Variants in DOCK8 observed in about 807,000 individuals in gnomAD.
The protein encoded by DOCK8 is dedicator of cytokinesis 8, also known as dedicator of cytokinesis protein 8.
DOCK8 carries 141 observed loss-of-function variants against 245.6 expected under a neutral mutation model. The observed-to-expected ratio is 0.57, with a 90% CI of 0.50 to 0.66. The LOEUF (loss-of-function observed/expected upper bound fraction) is 0.66, where lower values mean the gene tolerates loss of function less well. Among genes scored for constraint, DOCK8 ranks in the 30% least tolerant of loss-of-function variants. DOCK8 has a pLI of 0.00. For missense variants in DOCK8, 2,965 were observed against 2,603.4 expected, an observed-to-expected ratio of 1.14 and a Z score of -3.02; for synonymous variants, 1,168 against 970.2, an observed-to-expected ratio of 1.20 and a Z score of -3.79.
At chr9:221,813 C>A (rs1563817946) in intron 1 of DOCK8, among the ~76,000 whole-genome samples, 3 of 150,876 alleles carry the variant, frequency 2.0e-5, no homozygotes, top group South Asian at 4.2e-4. Flanking sequence ...CAGAGTGAGA[C>A]TCTGTCTCAT....
intron 2 of DOCK8, among the ~76,000 whole-genome samples, chr9:283,958 C>T (rs1010763384): frequency 6.6e-6 from 1 of 152,120 alleles, no homozygotes; most frequent in Non-Finnish European, 1.5e-5. Flanking sequence ...AGAATGCATA[C>T]CTCACAGGGT....
At chr9:393,636 G>A (rs1428091264) in intron 24 of DOCK8, among the ~76,000 whole-genome samples, 1 of 152,126 alleles carries the variant, frequency 6.6e-6, no homozygotes, top group Non-Finnish European at 1.5e-5. Context: ...ATAAGCTAAA[G>A]CACATGGCCC....
intron 28 of DOCK8, among the ~76,000 whole-genome samples, chr9:407,646 C>G (rs1402720668): frequency 6.6e-6 from 1 of 152,130 alleles, no homozygotes; most frequent in African/African-American, 2.4e-5. Context: ...GGTAGACCAC[C>G]CCCTTCTTTC....
chr9:399,275 A>AT lies in DOCK8; in HGVS notation c.3234+16_3234+17insT, dbSNP rs1554691279. Reference sequence around the variant, plus strand: ...TTGCAGCCAGGTGAGTGTCCCCCCCACCCCCACCCCCGAGCGAGCCACTTG... The same window carrying AT: ...TTGCAGCCAGGTGAGTGTCCCCCCCATCCCCCACCCCCGAGCGAGCCACTTG... On this transcript the variant is annotated intron_variant, in intron 26 of 47. Transcript: ENST00000432829. 3 of 1,260,768 alleles carry AT rather than the reference A, an allele frequency of 2.4e-6. No homozygotes were observed. The highest frequency in any genetic ancestry group is 1.3e-5 in the South Asian group (1 of 78,742). The allele number at this position is 1,260,768 out of a possible 1,614,324, so 78.1% of individuals were successfully genotyped here. A position where few individuals can be genotyped will look rare whatever the true frequency, so the allele number is the denominator to read the frequency against.
rs940788861 is a variant in DOCK8, at chr9:347,335, C to G, written c.1679+7014C>G. On this transcript the variant is annotated intron_variant, in intron 14 of 47. Transcript: ENST00000432829. ...CCTAGGCAACATAGCAAGACCCTGT[C>G]TCTACAACAACAACAAAAAAATTAG... Among the ~76,000 whole-genome samples the G allele has an allele frequency of 2.6e-5, 4 of 152,082 alleles. No individual in the cohort carries two copies. The South Asian group carries it at 8.3e-4, about 32-fold the overall frequency.
intron 28 of DOCK8, among the ~76,000 whole-genome samples, chr9:411,695 A>G (rs1189259941): frequency 6.6e-6 from 1 of 152,098 alleles, no homozygotes; most frequent in Non-Finnish European, 1.5e-5. Flanking sequence ...CCCTCAACAA[A>G]CACTAGCAAA....
intron 13 of DOCK8, 108 bp from the exon 14 acceptor site, chr9:340,051 T>C (rs1411708116): frequency 3.0e-6 from 4 of 1,322,996 alleles, no homozygotes; most frequent in Non-Finnish European, 4.3e-6. Flanking sequence ...TTTACAGTAC[T>C]ATAGTTTGTT....
At chr9:342,494 G>T (rs547532553) in intron 14 of DOCK8, among the ~76,000 whole-genome samples, 1 of 149,752 alleles carries the variant, frequency 6.7e-6, no homozygotes, top group East Asian at 2.0e-4. Flanking sequence ...TTTTGAGATG[G>T]AGTCTCACTC....
chr9:425,103 A>T (rs756572729), intron 33 of DOCK8, among the ~76,000 whole-genome samples: 4 of 152,254 alleles, frequency 2.6e-5, no homozygotes, highest in Non-Finnish European at 5.9e-5. Flanking sequence ...AAAATATATT[A>T]AAAATAATTT....
At chr9:436,633 A>C (rs1469000977) in intron 39 of DOCK8, among the ~76,000 whole-genome samples, 2 of 152,246 alleles carry the variant, frequency 1.3e-5, no homozygotes, top group African/African-American at 2.4e-5. Flanking sequence ...CCTAGAATTC[A>C]GTTGATTTGC....
chr9:400,655 T>TTCA (rs1564014823), intron 26 of DOCK8, among the ~76,000 whole-genome samples: 15 of 69,064 alleles, frequency 2.2e-4, no homozygotes, highest in Admixed American at 3.0e-4. Context: ...CACCACCACC[T>TTCA]CCACCACCAC....
intron 46 of DOCK8, among the ~76,000 whole-genome samples, chr9:458,804 C>G (rs1198229837): frequency 6.6e-6 from 1 of 152,106 alleles, no homozygotes; most frequent in East Asian, 1.9e-4. Context: ...GAATGAGATC[C>G]TCTCTCTAAA....
chr9:247,358 G>A (rs1309369584), intron 1 of DOCK8, among the ~76,000 whole-genome samples: 1 of 152,152 alleles, frequency 6.6e-6, no homozygotes, highest in African/African-American at 2.4e-5. Flanking sequence ...TAGTGAGCTT[G>A]TGGAATTTAC....
At chr9:295,056 A>AGGC (rs1267123197) in intron 4 of DOCK8, among the ~76,000 whole-genome samples, 5 of 152,052 alleles carry the variant, frequency 3.3e-5, no homozygotes, top group African/African-American at 1.2e-4. Flanking sequence ...GTTACTCAGG[A>AGGC]GGCTGAGGCA....
Position 457,758 on chromosome 9 carries a change from T to C in DOCK8, c.6068+5641T>C, listed in dbSNP as rs149886737. On this transcript the variant is annotated intron_variant, in intron 46 of 47. Coordinates refer to ENST00000432829, the MANE Select transcript of DOCK8 (RefSeq NM_203447.4). ...TTCTCATATTGTACAAATAGTTCAT[T>C]TACTTAGCCTGGGTCTGTCAGGCAT... 2.1e-3 allele frequency among the ~76,000 whole-genome samples: 326 copies of C among 152,330 alleles called. 1 individual carries two copies. Among genetic ancestry groups the C allele is most frequent in the African/African-American group, 7.6e-3 (315 of 41,564 alleles).
At chr9:312,644 C>T (rs1374583528) in intron 6 of DOCK8, 3 of 358,356 alleles carry the variant, frequency 8.4e-6, no homozygotes. Context: ...AGGATAATCA[C>T]AGCCCATGCT....
At chr9:237,648 C>T (rs541919127) in intron 1 of DOCK8, among the ~76,000 whole-genome samples, 2 of 152,144 alleles carry the variant, frequency 1.3e-5, no homozygotes, top group African/African-American at 4.8e-5. Context: ...GAGCAAGACC[C>T]TGTCTCAGAA....
At position 366,945 on chromosome 9, in the gene DOCK8, G is replaced by C. The variant is rs181197287; in HGVS notation, c.1680-1073G>C. Among the ~76,000 whole-genome samples the C allele has an allele frequency of 3.0e-3, 459 of 152,288 alleles. 1 individual carries two copies. Among genetic ancestry groups the C allele is most frequent in the African/African-American group, 0.011 (440 of 41,556 alleles). ...TGCTTATCAGGGCTCTTATCTGAGA[G>C]AATACAGTGGTTATGAGCATGACTC... On this transcript the variant is annotated intron_variant, in intron 14 of 47. Transcript: ENST00000432829.
intron 1 of DOCK8, among the ~76,000 whole-genome samples, chr9:235,547 C>A (rs1169296330): frequency 3.3e-5 from 5 of 152,198 alleles, no homozygotes; most frequent in Non-Finnish European, 1.5e-5. Flanking sequence ...GGGCTCCACC[C>A]AGTTCGAGCT....
Sources: gnomAD v4.1 joint callset for allele counts (sites outside exome capture counted in the v4.1 genomes callset) on GRCh38, gnomAD v4.1.1 for gene constraint, MANE v1.5 for transcripts, NCBI Gene and HGNC (gene_info 2026-07-23, HGNC 2026-07-21) for gene names.